Variants in RAB18 observed in about 807,000 individuals in gnomAD.
RAB18 encodes ras-related protein Rab-18.
Under a neutral mutation model 28.5 loss-of-function variants are expected in RAB18, and 10 were observed. The ratio of observed to expected loss-of-function variants is 0.35; its 90% CI spans 0.22 to 0.60. The LOEUF is 0.60. Among genes scored for constraint, RAB18 ranks in the 20% least tolerant of loss-of-function variants. The probability of loss-of-function intolerance (pLI) is 0.78; values close to 1 mark genes in which losing one functional copy is unlikely to be tolerated. For synonymous variants in RAB18, 93 were observed against 86.9 expected, an observed-to-expected ratio of 1.07 and a Z score of -0.39; for missense variants, 188 against 244.2, an observed-to-expected ratio of 0.77 and a Z score of 1.53.
intron 1 of RAB18, 148 bp from the exon 2 acceptor site, chr10:27,509,727 C>A: frequency 1.4e-6 from 1 of 710,278 alleles, no homozygotes; most frequent in South Asian, 1.5e-5. Flanking sequence ...TCTGTGTATA[C>A]CTGCTCTGAG....
intron 2 of RAB18, among the ~76,000 whole-genome samples, chr10:27,520,750 C>T (rs141257823): frequency 6.6e-6 from 1 of 151,600 alleles, no homozygotes; most frequent in African/African-American, 2.4e-5. Flanking sequence ...AACCCCGTCT[C>T]TACTAAAAAT....
rs1218933683 is a variant in RAB18 at position 27,511,769 on chromosome 10, G to T, written c.124+1839G>T. On this transcript the variant is annotated intron_variant, in intron 2 of 6. Transcript: ENST00000356940. ...AGAGAGATACATTGAGACTGTATAG[G>T]TATCCTCCTTCTTACACTTTTTGCC... is the stretch of plus-strand genomic sequence containing the variant. Among the ~76,000 whole-genome samples the T allele has an allele frequency of 2.0e-5, 3 of 152,204 alleles. No homozygotes were observed. In the East Asian group the frequency reaches 5.8e-4, roughly 29 times the overall value.
At chr10:27,511,734 T>C (rs1020188252) in intron 2 of RAB18, among the ~76,000 whole-genome samples, 1 of 152,170 alleles carries the variant, frequency 6.6e-6, no homozygotes, top group Admixed American at 6.5e-5. Context: ...ATAACTAATA[T>C]ATTTCTTGTA....
chr10:27,505,052 G>T, intron 1 of RAB18: 1 of 533,540 alleles, frequency 1.9e-6, no homozygotes, highest in Admixed American at 1.9e-5. Context: ...TGCTTCAGCC[G>T]TGGGCCACCT....
At chr10:27,536,659 CAG>C (rs1194804115) in intron 6 of RAB18, among the ~76,000 whole-genome samples, 1 of 152,130 alleles carries the variant, frequency 6.6e-6, no homozygotes, top group African/African-American at 2.4e-5. Context: ...TCAGTGGGCT[CAG>C]AGGATTTTCA....
Position 27,537,874 on chromosome 10 carries a change from A to G in RAB18, c.446-2A>G. On this transcript the variant is annotated splice_acceptor_variant, in intron 6 of 6. Transcript: ENST00000356940. LOFTEE classifies it high-confidence loss of function. ...TGAATGACCTTTTTCCTTGAATTTC[A>G]GAGGCAAGTGCAAAAACCTGTGATG... The G allele has an allele frequency of 6.2e-7, 1 of 1,613,652 alleles. No individual in the cohort carries two copies. Among genetic ancestry groups the G allele is most frequent in the Non-Finnish European group, 8.5e-7 (1 of 1,179,616 alleles).
Position 27,539,789 on chromosome 10 carries a change from C to G in RAB18, c.*1738C>G, listed in dbSNP as rs1460480341. The G allele has an allele frequency of 6.6e-6, 3 of 452,086 alleles. No homozygotes were observed. The East Asian group carries it at 2.1e-4, about 31-fold the overall frequency. The allele number at this position is 452,086 out of a possible 1,614,324, so 28.0% of individuals were successfully genotyped here. A position where few individuals can be genotyped will look rare whatever the true frequency, so the allele number is the denominator to read the frequency against. On this transcript the variant is annotated 3_prime_UTR_variant, in exon 7 of 7. Coordinates refer to ENST00000356940, the MANE Select transcript of RAB18 (RefSeq NM_021252.5). The stretch of plus-strand genomic sequence containing the variant: ...TTGTTTGATAGATTTATATTGTAAC[C>G]TTTTTCTAGTTCTTGAATAAATATA...
rs1261737509 is a variant in RAB18 at position 27,541,845 on chromosome 10, C to A, written c.*3794C>A. Reference sequence around the variant, plus strand: ...CATACCACCCCCACCCCCACCCCTGCAAACAATTGGCATGTGGTTTGGGTG... The same window carrying A: ...CATACCACCCCCACCCCCACCCCTGAAAACAATTGGCATGTGGTTTGGGTG... On this transcript the variant is annotated 3_prime_UTR_variant, in exon 7 of 7. Transcript: ENST00000356940. 2 of 354,758 alleles carry A rather than the reference C, an allele frequency of 5.6e-6. No homozygotes were observed. Among genetic ancestry groups the A allele is most frequent in the South Asian group, 1.6e-5 (1 of 61,510 alleles). The allele number at this position is 354,758 out of a possible 1,614,324, so 22.0% of individuals were successfully genotyped here. A position where few individuals can be genotyped will look rare whatever the true frequency, so the allele number is the denominator to read the frequency against.
intron 2 of RAB18, among the ~76,000 whole-genome samples, chr10:27,512,585 T>C (rs1834345993): frequency 6.6e-6 from 1 of 152,124 alleles, no homozygotes; most frequent in Non-Finnish European, 1.5e-5. Flanking sequence ...AGATTATAGG[T>C]GTGAGCCACT....
intron 3 of RAB18, among the ~76,000 whole-genome samples, chr10:27,528,050 A>T (rs1326060998): frequency 6.6e-6 from 1 of 152,048 alleles, no homozygotes; most frequent in Non-Finnish European, 1.5e-5. Context: ...ACGATATAAG[A>T]ATGTTGGCTT....
intron 6 of RAB18, among the ~76,000 whole-genome samples, chr10:27,536,180 A>G (rs1429482670): frequency 1.3e-5 from 2 of 152,162 alleles, no homozygotes; most frequent in Admixed American, 1.3e-4. Context: ...AAAGATTGAG[A>G]TAAGAGCAGG....
intron 2 of RAB18, 82 bp from the exon 3 acceptor site, chr10:27,526,744 CTT>C: frequency 6.4e-7 from 1 of 1,570,612 alleles, no homozygotes; most frequent in Non-Finnish European, 8.7e-7. Flanking sequence ...ATAATAGTGA[CTT>C]TTCTGTTTTC....
At position 27,533,808 on chromosome 10, in the gene RAB18, A is replaced by C. The variant is rs1216076875; in HGVS notation, c.333A>C (p.Thr111=). The C allele has an allele frequency of 3.1e-6, 5 of 1,613,782 alleles. No individual in the cohort carries two copies. Among genetic ancestry groups the C allele is most frequent in the South Asian group, 2.2e-5 (2 of 91,076 alleles). Residue 111 remains threonine, a synonymous_variant, in exon 5 of 7, where the codon ACA becomes ACC. Coordinates refer to ENST00000356940, the MANE Select transcript of RAB18 (RefSeq NM_021252.5). ...TAAATGAATTGGAAACATACTGTAC[A>C]AGAAATGACATAGTAAACATGCTAG... ...NWLNELETYC[T]RNDIVNMLVG...
rs1420991990 is a variant in RAB18 at position 27,513,040 on chromosome 10, T to A, written c.124+3110T>A. ...CATATATATATATATATATTTTTTT[T>A]TTTTTTTTGGAGACAAGAGTCTCGC... On this transcript the variant is annotated intron_variant, in intron 2 of 6. Transcript: ENST00000356940. Among the ~76,000 whole-genome samples, 419 of 143,838 alleles carry A rather than the reference T, an allele frequency of 2.9e-3. 1 individual carries two copies. Among genetic ancestry groups the A allele is most frequent in the East Asian group, 5.2e-3 (26 of 5,036 alleles). 94.4% of individuals were successfully genotyped at this position (143,838 alleles called of 152,430 possible). A position where few individuals can be genotyped will look rare whatever the true frequency, so the allele number is the denominator to read the frequency against.
intron 2 of RAB18, among the ~76,000 whole-genome samples, chr10:27,515,743 A>G (rs1358702431): frequency 6.6e-6 from 1 of 151,994 alleles, no homozygotes; most frequent in Non-Finnish European, 1.5e-5. Flanking sequence ...AAAAAAAAAA[A>G]ATTTTTTTTC....
intron 6 of RAB18, 138 bp downstream of exon 6, chr10:27,534,132 A>G: frequency 1.3e-6 from 1 of 775,488 alleles, no homozygotes; most frequent in Non-Finnish European, 2.2e-6. Flanking sequence ...TACAAAATCT[A>G]ACTATATAAC....
At chr10:27,537,612 G>A (rs1372449285) in intron 6 of RAB18, among the ~76,000 whole-genome samples, 1 of 152,178 alleles carries the variant, frequency 6.6e-6, no homozygotes. Context: ...GGCTTTACAA[G>A]TTACAATTCT....
In RAB18 at chr10:27,540,611, C is replaced by T. The variant is rs771167534; in HGVS notation, c.*2560C>T. ...GAGTAGGTGGTCTTATTTCTTTCAC[C>T]TGCTCAGAGTGGACTGAAAATCCTG... On this transcript the variant is annotated 3_prime_UTR_variant, in exon 7 of 7. Transcript: ENST00000356940. 2 of 454,048 alleles carry T rather than the reference C, an allele frequency of 4.4e-6. No individual in the cohort carries two copies. Among genetic ancestry groups the T allele is most frequent in the Non-Finnish European group, 8.8e-6 (2 of 226,770 alleles). The allele number at this position is 454,048 out of a possible 1,614,324, so 28.1% of individuals were successfully genotyped here.
intron 2 of RAB18, among the ~76,000 whole-genome samples, chr10:27,520,914 C>G (rs1279381291): frequency 2.3e-5 from 1 of 43,728 alleles, no homozygotes. Flanking sequence ...AAGACTCCAT[C>G]TCAAAAAAAA....
Sources: allele counts gnomAD v4.1 joint callset (sites outside exome capture counted in the v4.1 genomes callset), GRCh38; gene constraint gnomAD v4.1.1; transcripts MANE v1.5; gene names NCBI Gene and HGNC (gene_info 2026-07-23, HGNC 2026-07-21).